SLC9A9: variants seen among roughly 807,000 people sequenced by gnomAD.
SLC9A9 encodes the protein sodium/hydrogen exchanger 9.
A neutral mutation model predicts 77.8 loss-of-function variants in SLC9A9; 62 were observed. The observed-to-expected ratio is 0.80, with a 90% CI of 0.65 to 0.98. SLC9A9 has a LOEUF of 0.98. Among genes scored for constraint, SLC9A9 ranks in the 50% least tolerant of loss-of-function variants. The pLI, the probability that SLC9A9 is intolerant of heterozygous loss-of-function variation, is 0.00. For missense variants in SLC9A9, 775 were observed against 774.9 expected (o/e 1.00, Z 0.00); for synonymous variants, 320 against 283.5 (o/e 1.13, Z -1.29).
At chr3:143,323,497 C>T (rs2031484715) in intron 14 of SLC9A9, among the ~76,000 whole-genome samples, 1 of 152,014 alleles carries the variant, frequency 6.6e-6, no homozygotes, top group Admixed American at 6.5e-5. Context: ...TGTTCTTACT[C>T]ATATATTGGA....
At chr3:143,731,557 G>A (rs1043996386) in intron 4 of SLC9A9, among the ~76,000 whole-genome samples, 1 of 152,178 alleles carries the variant, frequency 6.6e-6, no homozygotes, top group Non-Finnish European at 1.5e-5. Context: ...TCTGAGCCAG[G>A]AAGTGCTTGG....
At chr3:143,778,334 A>G (rs564437395) in intron 4 of SLC9A9, among the ~76,000 whole-genome samples, 3 of 152,354 alleles carry the variant, frequency 2.0e-5, no homozygotes, top group African/African-American at 7.2e-5. Context: ...TCTGAAGTGT[A>G]TTAACACTAC....
chr3:143,333,786 A>T (rs2031844585), intron 14 of SLC9A9, among the ~76,000 whole-genome samples: 1 of 152,176 alleles, frequency 6.6e-6, no homozygotes, highest in South Asian at 2.1e-4. Context: ...ATTATGGTTT[A>T]CTCTTTTGGC....
rs374343461 is a variant in SLC9A9 at position 143,636,428 on chromosome 3, G to A, written c.755+15827C>T. 7.9e-5 allele frequency among the ~76,000 whole-genome samples: 12 copies of A among 152,108 alleles called. No homozygotes were observed. The South Asian group carries it at 1.2e-3, about 16-fold the overall frequency. ...ATTTTCTAAGTAGACAATCATATCC[G>A]CTCATCTATTAAGTATTTTATTTTG... is the stretch of plus-strand genomic sequence containing the variant. On this transcript the variant is annotated intron_variant, in intron 6 of 15. Coordinates refer to ENST00000316549, the MANE Select transcript of SLC9A9 (RefSeq NM_173653.4).
chr3:143,655,080 C>T (rs553694533), intron 5 of SLC9A9, among the ~76,000 whole-genome samples: 1 of 152,196 alleles, frequency 6.6e-6, no homozygotes, highest in Non-Finnish European at 1.5e-5. Context: ...GTGTGTCCTA[C>T]AAGAGGGAGT....
chr3:143,589,147 C>T (rs977511866), intron 6 of SLC9A9, among the ~76,000 whole-genome samples: 1 of 152,148 alleles, frequency 6.6e-6, no homozygotes, highest in African/African-American at 2.4e-5. Flanking sequence ...AATACGATTC[C>T]CTGTATTCAT....
chr3:143,403,263 C>CCACTT (rs1559900724), intron 12 of SLC9A9, among the ~76,000 whole-genome samples: 1 of 152,078 alleles, frequency 6.6e-6, no homozygotes, highest in African/African-American at 2.4e-5. Context: ...CTGTCTCATG[C>CCACTT]CACTTCCTTA....
At chr3:143,461,621 T>C (rs2035193873) in intron 12 of SLC9A9, among the ~76,000 whole-genome samples, 1 of 152,190 alleles carries the variant, frequency 6.6e-6, no homozygotes, top group South Asian at 2.1e-4. Flanking sequence ...ATTAAATTTA[T>C]TGCTCAAAAT....
chr3:143,317,669 T>TTCC (rs2031261517), intron 14 of SLC9A9, among the ~76,000 whole-genome samples: 1 of 40,560 alleles, frequency 2.5e-5, no homozygotes, highest in African/African-American at 1.6e-4. Flanking sequence ...TTTCTCAGGT[T>TTCC]TGAAATGTTC....
At chr3:143,449,821 TA>T (rs371813832) in intron 12 of SLC9A9, among the ~76,000 whole-genome samples, 31,149 of 68,804 alleles carry the variant, frequency 0.45, 7,244 homozygotes, top group African/African-American at 0.57. Flanking sequence ...ATTATATATT[TA>T]CATATATAAT....
chr3:143,403,786 A>G (rs569733657), intron 12 of SLC9A9, among the ~76,000 whole-genome samples: 1 of 152,354 alleles, frequency 6.6e-6, no homozygotes, highest in South Asian at 2.1e-4. Context: ...CACTTTGAGT[A>G]TAATGTGTCT....
At chr3:143,695,280 C>T (rs1157211802) in intron 4 of SLC9A9, among the ~76,000 whole-genome samples, 1 of 152,106 alleles carries the variant, frequency 6.6e-6, no homozygotes, top group African/African-American at 2.4e-5. Flanking sequence ...TGGTTTGCTG[C>T]ACCCATCAAC....
At position 143,725,767 on chromosome 3, in the gene SLC9A9, A is replaced by G. The variant is rs576164706; in HGVS notation, c.534-32460T>C. On this transcript the variant is annotated intron_variant, in intron 4 of 15. Transcript: ENST00000316549. ...GGGGGGAGGGGGGAGAGATAGCATT[A>G]GGAGATATACCTAATGCTAAATGAC... Among the ~76,000 whole-genome samples the G allele has an allele frequency of 7.3e-5, 11 of 149,954 alleles. No homozygotes were observed. The East Asian group carries it at 1.8e-3, about 24-fold the overall frequency.
chr3:143,514,243 A>G lies in SLC9A9; in HGVS notation c.1090-18795T>C, dbSNP rs1038236410. Among the ~76,000 whole-genome samples, 13 of 151,954 alleles carry G rather than the reference A, an allele frequency of 8.6e-5. No individual in the cohort carries two copies. In the South Asian group the frequency reaches 1.5e-3, roughly 17 times the overall value. On this transcript the variant is annotated intron_variant, in intron 9 of 15. Transcript: ENST00000316549. The stretch of plus-strand genomic sequence containing the variant: ...TTTTTTTTCTGAGCAGTAAATCTCA[A>G]TGGCGGTTTCTTCAAACAAACCATG...
At chr3:143,421,094 G>A (rs576072445) in intron 12 of SLC9A9, among the ~76,000 whole-genome samples, 1 of 152,044 alleles carries the variant, frequency 6.6e-6, no homozygotes, top group South Asian at 2.1e-4. Flanking sequence ...TGAGGTGAGA[G>A]ATCTCTACAA....
At position 143,531,242 on chromosome 3, in the gene SLC9A9, C is replaced by T. The variant is rs554033189; in HGVS notation, c.1089+21120G>A. Among the ~76,000 whole-genome samples the T allele has an allele frequency of 3.9e-5, 6 of 152,318 alleles. No individual in the cohort carries two copies. The South Asian group carries it at 1.0e-3, about 26-fold the overall frequency. On this transcript the variant is annotated intron_variant, in intron 9 of 15. Coordinates refer to ENST00000316549, the MANE Select transcript of SLC9A9 (RefSeq NM_173653.4). ...GCTTGAGCATTTTGGCCTTACTTAG[C>T]TCTTGAGATTTCAAATGCTCCCCTG...
intron 2 of SLC9A9, among the ~76,000 whole-genome samples, chr3:143,820,006 T>C (rs16854380): frequency 0.053 from 7,949 of 150,284 alleles, 340 homozygotes; most frequent in African/African-American, 0.11. Context: ...AGTCCATTGC[T>C]TTGTTGATAA....
chr3:143,698,836 C>G (rs1933714205), intron 4 of SLC9A9, among the ~76,000 whole-genome samples: 1 of 152,150 alleles, frequency 6.6e-6, no homozygotes, highest in Non-Finnish European at 1.5e-5. Context: ...CATTAACTGT[C>G]AGAAAAGCCA....
chr3:143,381,282 C>T (rs1233971862), intron 13 of SLC9A9: 1 of 152,046 alleles, frequency 6.6e-6, no homozygotes, highest in African/African-American at 2.4e-5. Context: ...TGGGTCTTTC[C>T]CATGCTGTTC....
Sources: gnomAD v4.1 joint callset for allele counts (sites outside exome capture counted in the v4.1 genomes callset) on GRCh38, gnomAD v4.1.1 for gene constraint, MANE v1.5 for transcripts, NCBI Gene and HGNC (gene_info 2026-07-23, HGNC 2026-07-21) for gene names.